LGALS3: variants seen among roughly 807,000 people sequenced by gnomAD.
The protein encoded by LGALS3 is galectin 3.
LGALS3 carries 18 observed loss-of-function variants against 20.7 expected under a neutral mutation model. That is an observed-to-expected ratio of 0.87 (90% CI 0.60 to 1.29). The LOEUF is 1.29. Among genes scored for constraint, LGALS3 ranks in the 50% most tolerant of loss-of-function variants. The pLI is 0.00. For synonymous variants in LGALS3, 112 were observed against 119.6 expected, an observed-to-expected ratio of 0.94 and a Z score of 0.42; for missense variants, 315 against 314.7, an observed-to-expected ratio of 1.00 and a Z score of -0.01.
chr14:55,143,507 C>T lies in LGALS3; in HGVS notation c.597+758C>T, dbSNP rs376974629. 10 of 304,136 alleles carry T rather than the reference C, an allele frequency of 3.3e-5. No individual in the cohort carries two copies. In the East Asian group the frequency reaches 5.8e-4, roughly 18 times the overall value. 18.8% of individuals were successfully genotyped at this position (304,136 alleles called of 1,614,324 possible). ...CACGATCTTGGCTCACTACAACCTC[C>T]GCCTCCTGGGTTCAAGCGATGCTCC... On this transcript the variant is annotated intron_variant, in intron 5 of 5. Transcript: ENST00000254301.
In LGALS3 at chr14:55,140,381, A is replaced by G; in HGVS notation, c.431+18A>G. On this transcript the variant is annotated intron_variant, in intron 4 of 5. Transcript: ENST00000254301. ...GCAAACAGGTAAGGAGAGCAAAATTAACAAGTCTACTCTATTTGTAGATTG... is the reference window on the plus strand; with the variant it reads ...GCAAACAGGTAAGGAGAGCAAAATTGACAAGTCTACTCTATTTGTAGATTG... The G allele has an allele frequency of 6.6e-7, 1 of 1,523,708 alleles. No individual in the cohort carries two copies. The highest frequency in any genetic ancestry group is 1.1e-5 in the South Asian group (1 of 87,530). The allele number at this position is 1,523,708 out of a possible 1,614,324, so 94.4% of individuals were successfully genotyped here. A position where few individuals can be genotyped will look rare whatever the true frequency, so the allele number is the denominator to read the frequency against.
intron 2 of LGALS3, 70 bp downstream of exon 2, chr14:55,137,461 T>C (rs964545328): frequency 1.2e-6 from 2 of 1,613,936 alleles, no homozygotes; most frequent in Admixed American, 1.7e-5. Context: ...GTTTTGTTTT[T>C]ACCATGACTT....
At chr14:55,138,392 T>C (rs750787326) in intron 3 of LGALS3, 24 bp downstream of exon 3, 8 of 1,611,506 alleles carry the variant, frequency 5.0e-6, no homozygotes, top group Non-Finnish European at 6.8e-6. Flanking sequence ...CCTTCTTTCA[T>C]GTACTTGACA....
At chr14:55,141,467 C>A (rs1420782556) in intron 4 of LGALS3, among the ~76,000 whole-genome samples, 1 of 152,178 alleles carries the variant, frequency 6.6e-6, no homozygotes, top group Admixed American at 6.5e-5. Context: ...ACCCCTAACG[C>A]ACACTGAATA....
intron 1 of LGALS3, among the ~76,000 whole-genome samples, chr14:55,133,132 A>C (rs1328928744): frequency 6.6e-6 from 1 of 152,248 alleles, no homozygotes; most frequent in Non-Finnish European, 1.5e-5. Context: ...TCAGAGAATT[A>C]ATTTCACAAT....
At chr14:55,136,345 C>T (rs1881394284) in intron 1 of LGALS3, among the ~76,000 whole-genome samples, 1 of 151,960 alleles carries the variant, frequency 6.6e-6, no homozygotes, top group South Asian at 2.1e-4. Flanking sequence ...CTTCAGCTCC[C>T]CTTTGAGGCT....
chr14:55,144,995 A>T, intron 5 of LGALS3, 121 bp from the exon 6 acceptor site: 3 of 771,464 alleles, frequency 3.9e-6, no homozygotes, highest in Admixed American at 2.4e-5. Flanking sequence ...TTTTCCCTTT[A>T]TTTCAGTTGA....
chr14:55,131,431 C>G (rs1364533119), intron 1 of LGALS3, among the ~76,000 whole-genome samples: 1 of 152,190 alleles, frequency 6.6e-6, no homozygotes, highest in Non-Finnish European at 1.5e-5. Context: ...TAGCCAGACT[C>G]TAAACCTTAA....
chr14:55,137,897 CTATTAA>C, intron 2 of LGALS3, 142 bp from the exon 3 acceptor site: 2 of 1,326,896 alleles, frequency 1.5e-6, no homozygotes, highest in Non-Finnish European at 1.9e-6. Context: ...GAAACTCAAA[CTATTAA>C]TAAGTGGAAA....
chr14:55,142,634 C>T lies in LGALS3; in HGVS notation c.482C>T (p.Pro161Leu). The change falls in exon 5 of 6, where the codon CCA becomes CTA. Residue 161 changes from proline to leucine, a missense_variant. Transcript: ENST00000254301. The stretch of plus-strand genomic sequence containing the variant: ...AATGATGTTGCCTTCCACTTTAACC[C>T]ACGCTTCAATGAGAACAACAGGAGA... ...RGNDVAFHFN[P>L]RFNENNRRVI... 6.2e-7 allele frequency: 1 copy of T among 1,613,622 alleles called. No individual in the cohort carries two copies. The highest frequency in any genetic ancestry group is 8.5e-7 in the Non-Finnish European group (1 of 1,179,560).
intron 5 of LGALS3, 120 bp downstream of exon 5, chr14:55,142,869 T>A: frequency 1.4e-6 from 1 of 718,166 alleles, no homozygotes; most frequent in East Asian, 2.7e-5. Flanking sequence ...CTAACCAGTT[T>A]ATCTTCTCCC....
chr14:55,134,263 T>C (rs1304489085), intron 1 of LGALS3, among the ~76,000 whole-genome samples: 6 of 152,170 alleles, frequency 3.9e-5, no homozygotes, highest in African/African-American at 1.4e-4. Flanking sequence ...TGGCAGCATA[T>C]GTATTGAAGC....
In LGALS3 at chr14:55,140,293, C is replaced by T. The variant is rs1881574028; in HGVS notation, c.361C>T (p.Pro121Ser). 9 of 1,613,040 alleles carry T rather than the reference C, an allele frequency of 5.6e-6. No homozygotes were observed. The African/African-American group carries it at 6.7e-5, about 12-fold the overall frequency. ...TTCCCAGATTGTGCCTTATAACCTG[C>T]CTTTGCCTGGGGGAGTGGTGCCTCG... ...AGPLIVPYNL[P>S]LPGGVVPRML... Residue 121 changes from proline (P) to serine (S), a missense_variant, in exon 4 of 6, where the codon CCT becomes TCT. Pro to Ser is a moderately conservative substitution (Grantham distance 74, BLOSUM62 -1). Transcript: ENST00000254301.
At chr14:55,137,028 A>AG (rs1881418303) in intron 1 of LGALS3, among the ~76,000 whole-genome samples, 1 of 152,196 alleles carries the variant, frequency 6.6e-6, no homozygotes, top group African/African-American at 2.4e-5. Context: ...CTATGTCTGG[A>AG]GGTCATTGTC....
intron 2 of LGALS3, chr14:55,137,777 C>T: frequency 7.7e-7 from 1 of 1,304,236 alleles, no homozygotes; most frequent in Non-Finnish European, 9.7e-7. Flanking sequence ...GGAGCGCTAA[C>T]TCCTGACTTG....
In LGALS3 at chr14:55,142,493, A is replaced by G. The variant is rs1164847557; in HGVS notation, c.432-91A>G. Reference sequence around the variant, plus strand: ...AATTTCCTAGGTACTGTATTATGAAATTATTTGCTTTTTAGAAAATTACAT... The same window carrying G: ...AATTTCCTAGGTACTGTATTATGAAGTTATTTGCTTTTTAGAAAATTACAT... On this transcript the variant is annotated intron_variant, in intron 4 of 5. Transcript: ENST00000254301. The G allele has an allele frequency of 5.6e-6, 6 of 1,067,268 alleles. No homozygotes were observed. The African/African-American group carries it at 9.6e-5, about 17-fold the overall frequency. 66.1% of individuals were successfully genotyped at this position (1,067,268 alleles called of 1,614,324 possible).
Position 55,145,182 on chromosome 14 carries a change from A to C in LGALS3, c.664A>C (p.Asn222His). The change falls in exon 6 of 6, where the codon AAT becomes CAT. Residue 222 changes from asparagine (N) to histidine (H), a missense_variant. By Grantham distance (68) the Asn-to-His change is moderately conservative. Coordinates refer to ENST00000254301, the MANE Select transcript of LGALS3 (RefSeq NM_002306.4). ...GAATGATGCTCACTTGTTGCAGTAC[A>C]ATCATCGGGTTAAAAAACTCAATGA... ...AVNDAHLLQYNHRVKKLNEIS... is the reference protein window; with the variant it reads ...AVNDAHLLQYHHRVKKLNEIS... The C allele has an allele frequency of 6.2e-7, 1 of 1,613,974 alleles. No individual in the cohort carries two copies. The highest frequency in any genetic ancestry group is 2.2e-5 in the East Asian group (1 of 44,868).
intron 1 of LGALS3, among the ~76,000 whole-genome samples, chr14:55,130,866 G>C (rs1020894784): frequency 2.0e-5 from 3 of 151,980 alleles, no homozygotes; most frequent in Non-Finnish European, 4.4e-5. Context: ...GGGCCACTGC[G>C]CCTGGCCTAC....
rs757203719 is a variant in LGALS3 at position 55,138,142 on chromosome 14, C to T, written c.116C>T (p.Ala39Val). 15 of 1,583,850 alleles carry T rather than the reference C, an allele frequency of 9.5e-6. No homozygotes were observed. The Admixed American group carries it at 2.7e-4, about 28-fold the overall frequency. Residue 39 changes from alanine (A) to valine (V), a missense_variant, in exon 3 of 6, where the codon GCT becomes GTT. By Grantham distance (64) the Ala-to-Val change is moderately conservative (BLOSUM62 0). Transcript: ENST00000254301. ...GCTGGGGCAGGGGGCTACCCAGGGG[C>T]TTCCTATCCTGGGGCCTACCCCGGG... Reference protein sequence around the residue: ...QPAGAGGYPGASYPGAYPGQA... With the variant: ...QPAGAGGYPGVSYPGAYPGQA...
Sources: allele counts gnomAD v4.1 joint callset (sites outside exome capture counted in the v4.1 genomes callset), GRCh38; gene constraint gnomAD v4.1.1; transcripts MANE v1.5; gene names NCBI Gene and HGNC (gene_info 2026-07-23, HGNC 2026-07-21).